The following MECOM variants were observed in gnomAD, a reference collection of about 807,000 sequenced individuals.
The protein encoded by MECOM is MDS1 and EVI1 complex locus, also known as histone-lysine N-methyltransferase MECOM.
MECOM carries 13 observed loss-of-function variants against 116.3 expected under a neutral mutation model. The observed-to-expected ratio is 0.11, with a 90% CI of 0.07 to 0.18. The LOEUF (loss-of-function observed/expected upper bound fraction) is 0.18, where lower values mean the gene tolerates loss of function less well. Among genes scored for constraint, MECOM ranks in the 10% least tolerant of loss-of-function variants. The pLI is 1.00. For missense variants in MECOM, 1,299 were observed against 1,509.0 expected, an observed-to-expected ratio of 0.86 and a Z score of 2.31; for synonymous variants, 528 against 535.2, an observed-to-expected ratio of 0.99 and a Z score of 0.19.
intron 2 of MECOM, among the ~76,000 whole-genome samples, chr3:169,281,299 C>A (rs771204082): frequency 6.6e-6 from 1 of 152,066 alleles, no homozygotes; most frequent in Admixed American, 6.6e-5. Context: ...GTAGAAATAG[C>A]GGGACCCTGG....
chr3:169,152,295 T>C (rs1741292271), intron 2 of MECOM, among the ~76,000 whole-genome samples: 1 of 151,996 alleles, frequency 6.6e-6, no homozygotes, highest in Non-Finnish European at 1.5e-5. Context: ...AAGAGGAAAT[T>C]AAAGATAAAA....
At position 169,098,607 on chromosome 3, in the gene MECOM, T is replaced by C. The variant is rs535735353; in HGVS notation, c.2849+2278A>G. 2.0e-5 allele frequency among the ~76,000 whole-genome samples: 3 copies of C among 152,352 alleles called. No individual in the cohort carries two copies. In the East Asian group the frequency reaches 5.8e-4, roughly 29 times the overall value. On this transcript the variant is annotated intron_variant, in intron 12 of 16. Coordinates refer to ENST00000651503, the MANE Select transcript of MECOM (RefSeq NM_004991.4). ...ATAAGGTTATTACTTTTTCTCTTTCTAATTAACAAATATTTTGCAGAAGAT... is the reference window on the plus strand; with the variant it reads ...ATAAGGTTATTACTTTTTCTCTTTCCAATTAACAAATATTTTGCAGAAGAT...
intron 12 of MECOM, among the ~76,000 whole-genome samples, chr3:169,097,863 C>T (rs372133041): frequency 4.9e-4 from 67 of 137,986 alleles, no homozygotes; most frequent in African/African-American, 1.7e-3. Flanking sequence ...TGTCAAGGAG[C>T]TTGTGGTCTA....
chr3:169,143,708 A>T lies in MECOM; in HGVS notation c.500T>A (p.Ile167Lys). The part of the protein sequence containing the change: ...YDQHNLVACQ[I>K]NDQIFYRVVA... The stretch of plus-strand genomic sequence containing the variant: ...ATCTTTACAACATACCTGATCATTT[A>T]TCTGGCATGCAACAAGGTTGTGCTG... The change falls in exon 3 of 17, where the codon ATA becomes AAA. Residue 167 changes from isoleucine (I) to lysine (K), a missense_variant. By Grantham distance (102) the Ile-to-Lys change is moderately radical. This residue lies in a region of MECOM where 374 missense variants were observed against 433.4 expected (regional missense o/e 0.86). Transcript: ENST00000651503. 6.3e-7 allele frequency: 1 copy of T among 1,599,042 alleles called. No individual in the cohort carries two copies. Among genetic ancestry groups the T allele is most frequent in the Non-Finnish European group, 8.5e-7 (1 of 1,172,958 alleles).
At chr3:169,631,746 A>G (rs962587199) in intron 1 of MECOM, among the ~76,000 whole-genome samples, 7 of 151,822 alleles carry the variant, frequency 4.6e-5, no homozygotes, top group African/African-American at 1.7e-4. Context: ...TTTACCGAGA[A>G]TGATGATTTT....
At chr3:169,476,684 C>T (rs1327647678) in intron 1 of MECOM, among the ~76,000 whole-genome samples, 1 of 151,982 alleles carries the variant, frequency 6.6e-6, no homozygotes, top group Non-Finnish European at 1.5e-5. Context: ...TTTTCTCCCC[C>T]TTCTCCCCCT....
chr3:169,411,542 G>A (rs886434896), intron 1 of MECOM, among the ~76,000 whole-genome samples: 2 of 152,176 alleles, frequency 1.3e-5, no homozygotes, highest in Admixed American at 1.3e-4. Context: ...TTGGTTTCCT[G>A]ACGTCCGCAC....
At chr3:169,153,125 T>A (rs1450592320) in intron 2 of MECOM, among the ~76,000 whole-genome samples, 1 of 152,176 alleles carries the variant, frequency 6.6e-6, no homozygotes, top group Non-Finnish European at 1.5e-5. Context: ...TTATACCAAG[T>A]TTAAATGAAA....
In MECOM at chr3:169,347,828, C is replaced by T. The variant is rs1387231349; in HGVS notation, c.375+33359G>A. The stretch of plus-strand genomic sequence containing the variant: ...GGATTTGTCTGGTTCGCCACATAAA[C>T]GCCCAATAAATACGTGTTGACTGAC... On this transcript the variant is annotated intron_variant, in intron 2 of 16. Coordinates refer to ENST00000651503, the MANE Select transcript of MECOM (RefSeq NM_004991.4). Among the ~76,000 whole-genome samples the T allele has an allele frequency of 2.6e-5, 4 of 151,986 alleles. No homozygotes were observed. In the East Asian group the frequency reaches 5.8e-4, roughly 22 times the overall value.
intron 14 of MECOM, 130 bp downstream of exon 14, chr3:169,092,828 T>C (rs1296070699): frequency 1.1e-6 from 1 of 950,494 alleles, no homozygotes; most frequent in Admixed American, 2.5e-5. Flanking sequence ...GTATTTAATA[T>C]GTACTAAATA....
intron 1 of MECOM, among the ~76,000 whole-genome samples, chr3:169,410,756 T>G (rs536651090): frequency 5.9e-5 from 9 of 152,198 alleles, no homozygotes; most frequent in African/African-American, 1.9e-4. Context: ...GCCCTTTTCC[T>G]TTCATTCTGC....
In MECOM at chr3:169,392,255, T is replaced by G. The variant is rs572613693; in HGVS notation, c.38-10731A>C. On this transcript the variant is annotated intron_variant, in intron 1 of 16. Transcript: ENST00000651503. The stretch of plus-strand genomic sequence containing the variant: ...CGTGGAATAAATATACATTTGACTT[T>G]CAAAATCTTTGGTAGGCTCCATACT... Among the ~76,000 whole-genome samples, 7 of 152,304 alleles carry G rather than the reference T, an allele frequency of 4.6e-5. No individual in the cohort carries two copies. In the East Asian group the frequency reaches 1.2e-3, roughly 25 times the overall value.
intron 1 of MECOM, among the ~76,000 whole-genome samples, chr3:169,382,856 AAAAAAAAAT>A (rs1239448167): frequency 0.017 from 1,828 of 107,596 alleles, 94 homozygotes; most frequent in African/African-American, 0.061. Context: ...TCTCAAAAAA[AAAAAAAAAT>A]AAAAAAAATA....
At chr3:169,657,607 G>A (rs148437840) in intron 1 of MECOM, among the ~76,000 whole-genome samples, 1 of 152,188 alleles carries the variant, frequency 6.6e-6, no homozygotes, top group Non-Finnish European at 1.5e-5. Context: ...ATTGGACAAG[G>A]AATTCAGGAC....
At position 169,601,507 on chromosome 3, in the gene MECOM, G is replaced by A. The variant is rs60697277; in HGVS notation, c.37+61829C>T. ...GAATGTTGGATGGTACAGCACCATT[G>A]AGTTCCAGAAGGATGGTCCTGCGCC... On this transcript the variant is annotated intron_variant, in intron 1 of 16. Transcript: ENST00000651503. 3.0e-4 allele frequency among the ~76,000 whole-genome samples: 45 copies of A among 152,286 alleles called. 1 individual carries two copies. In the East Asian group the frequency reaches 6.6e-3, roughly 22 times the overall value.
chr3:169,420,947 T>A (rs539207516), intron 1 of MECOM, among the ~76,000 whole-genome samples: 30 of 152,266 alleles, frequency 2.0e-4, no homozygotes, highest in African/African-American at 6.7e-4. Flanking sequence ...TGTGTTTTCA[T>A]CTCCTGTAAA....
intron 2 of MECOM, among the ~76,000 whole-genome samples, chr3:169,288,170 T>C (rs9837136): frequency 0.087 from 13,211 of 151,924 alleles, 1,520 homozygotes; most frequent in African/African-American, 0.26. Flanking sequence ...AAATTCTGCT[T>C]TCTCCATGTT....
At chr3:169,567,912 C>CG (rs2109416319) in intron 1 of MECOM, among the ~76,000 whole-genome samples, 1 of 152,062 alleles carries the variant, frequency 6.6e-6, no homozygotes, top group Non-Finnish European at 1.5e-5. Context: ...ATTCAAAAAA[C>CG]AAAAAAGGAG....
chr3:169,145,173 CACACACACACACACACAG>C lies in MECOM; in HGVS notation c.376-1359_376-1342del, dbSNP rs1257186905. On this transcript the variant is annotated intron_variant, in intron 2 of 16. Coordinates refer to ENST00000651503, the MANE Select transcript of MECOM (RefSeq NM_004991.4). ...ACACACACACACACACACACACACA[CACACACACACACACACAG>C]AGAGAAATCAAACTCTTCTTTTTCA... The C allele has an allele frequency of 1.3e-3, 662 of 497,094 alleles. 12 individuals carry two copies. In the African/African-American group the frequency reaches 0.023, roughly 18 times the overall value. 30.8% of individuals were successfully genotyped at this position (497,094 alleles called of 1,614,324 possible). A position where few individuals can be genotyped will look rare whatever the true frequency, so the allele number is the denominator to read the frequency against.
Sources: allele counts gnomAD v4.1 joint callset (sites outside exome capture counted in the v4.1 genomes callset), GRCh38; gene constraint gnomAD v4.1.1; regional missense constraint gnomAD v4.1.1; transcripts MANE v1.5; gene names NCBI Gene and HGNC (gene_info 2026-07-23, HGNC 2026-07-21).